Variants in PLEKHG7 observed in about 807,000 individuals in gnomAD.
PLEKHG7 encodes pleckstrin homology and RhoGEF domain containing G7.
Under a neutral mutation model 85.2 loss-of-function variants are expected in PLEKHG7, and 77 were observed. The observed-to-expected ratio is 0.90, with a 90% confidence interval of 0.75 to 1.09. The LOEUF (loss-of-function observed/expected upper bound fraction) is 1.09, where lower values mean the gene tolerates loss of function less well. Among genes scored for constraint, PLEKHG7 ranks in the 50% least tolerant of loss-of-function variants. The probability of loss-of-function intolerance (pLI) is 0.00; values close to 1 mark genes in which losing one functional copy is unlikely to be tolerated. For synonymous variants in PLEKHG7, 301 were observed against 302.4 expected (o/e 1.00, Z 0.05); for missense variants, 777 against 804.3 (o/e 0.97, Z 0.41).
chr12:92,767,170 C>T (rs1873226781), intron 15 of PLEKHG7, among the ~76,000 whole-genome samples: 2 of 152,038 alleles, frequency 1.3e-5, no homozygotes, highest in South Asian at 4.2e-4. Flanking sequence ...AGTATGGTGC[C>T]CAATACATAG....
chr12:92,740,899 T>C lies in PLEKHG7; in HGVS notation c.986T>C (p.Leu329Pro), dbSNP rs770980479. ...TATCTGCAAACTCATGAATATCTCC[T>C]AGATGTGGATTTATGGAGACTTTTT... ...LRYLQTHEYL[L>P]DVDLWRLFAN... Residue 329 changes from leucine (L) to proline (P), a missense_variant, in exon 8 of 17, where the codon CTA becomes CCA. Coordinates refer to ENST00000344636, the MANE Select transcript of PLEKHG7 (RefSeq NM_001377329.1). 23 of 1,611,498 alleles carry C rather than the reference T, an allele frequency of 1.4e-5. No homozygotes were observed. Among genetic ancestry groups the C allele is most frequent in the Non-Finnish European group, 1.8e-5 (21 of 1,178,258 alleles).
chr12:92,747,131 A>G (rs1333976652), intron 10 of PLEKHG7, among the ~76,000 whole-genome samples: 4 of 152,202 alleles, frequency 2.6e-5, no homozygotes, highest in Non-Finnish European at 4.4e-5. Context: ...TATTCATTTG[A>G]CAGGGGACTA....
At chr12:92,741,884 C>T (rs908786464) in intron 9 of PLEKHG7, among the ~76,000 whole-genome samples, 3 of 152,290 alleles carry the variant, frequency 2.0e-5, no homozygotes, top group South Asian at 4.1e-4. Context: ...GCAACATTCA[C>T]GGCAATAGTT....
intron 3 of PLEKHG7, among the ~76,000 whole-genome samples, chr12:92,726,061 C>A (rs1871791083): frequency 6.6e-6 from 1 of 152,182 alleles, no homozygotes; most frequent in Non-Finnish European, 1.5e-5. Context: ...GCATGATACA[C>A]TCCACCATTA....
At chr12:92,754,380 G>A (rs900886060) in intron 11 of PLEKHG7, 116 bp downstream of exon 11, 7 of 995,874 alleles carry the variant, frequency 7.0e-6, no homozygotes, top group Middle Eastern at 4.3e-4. Flanking sequence ...ATGGCTCTTG[G>A]AAATGTGGGT....
chr12:92,764,680 G>A (rs1008635868), intron 15 of PLEKHG7, among the ~76,000 whole-genome samples: 1 of 151,638 alleles, frequency 6.6e-6, no homozygotes, highest in Non-Finnish European at 1.5e-5. Context: ...ACATATATAT[G>A]CATGTATCTA....
intron 9 of PLEKHG7, 92 bp downstream of exon 9, chr12:92,741,684 C>A: frequency 1.1e-6 from 1 of 890,658 alleles, no homozygotes; most frequent in Non-Finnish European, 1.7e-6. Context: ...TTAATTCTCC[C>A]TGGGAAAGTT....
intron 10 of PLEKHG7, among the ~76,000 whole-genome samples, chr12:92,748,625 A>G: frequency 6.6e-6 from 1 of 152,216 alleles, no homozygotes; most frequent in East Asian, 1.9e-4. Flanking sequence ...ACAAACCTGT[A>G]AAGTTGATTA....
chr12:92,730,388 G>A (rs989221321), intron 4 of PLEKHG7, among the ~76,000 whole-genome samples: 3 of 152,184 alleles, frequency 2.0e-5, no homozygotes, highest in African/African-American at 7.2e-5. Flanking sequence ...AGGCTGTCCC[G>A]AACTAGCAGC....
At chr12:92,761,635 AAAG>A in intron 13 of PLEKHG7, 114 bp from the exon 14 acceptor site, 1 of 292,944 alleles carries the variant, frequency 3.4e-6, no homozygotes, top group Non-Finnish European at 4.8e-6. Context: ...AGAAAGAAAG[AAAG>A]AAAGAAAGAA....
chr12:92,729,099 C>G lies in PLEKHG7; in HGVS notation c.637C>G (p.Pro213Ala), dbSNP rs1467165778. 8.1e-7 allele frequency: 1 copy of G among 1,231,798 alleles called. No individual in the cohort carries two copies. The highest frequency in any genetic ancestry group is 4.2e-5 in the Admixed American group (1 of 23,700). The allele number at this position is 1,231,798 out of a possible 1,614,324, so 76.3% of individuals were successfully genotyped here. The change falls in exon 4 of 17, where the codon CCA (proline) becomes GCA (alanine). Residue 213 changes from proline (P) to alanine (A), a missense_variant. Physicochemically the swap from Pro to Ala is conservative, Grantham distance 27. Transcript: ENST00000344636. ...SDGAADYLCH[P>A]LLLLNSESKK... ...TGGAGCTGCTGATTACCTATGCCAT[C>G]CACTTCTGCTGCTGAATTCAGGTTC...
intron 4 of PLEKHG7, 117 bp downstream of exon 4, chr12:92,729,237 C>A (rs1871910901): frequency 1.7e-6 from 2 of 1,155,024 alleles, no homozygotes; most frequent in East Asian, 6.4e-5. Context: ...TGACCTGTTA[C>A]AATCAGCCTC....
rs540032375 is a variant in PLEKHG7, at chr12:92,728,999, C to T, written c.537C>T (p.Tyr179=). 5.8e-5 allele frequency: 71 copies of T among 1,231,612 alleles called. No homozygotes were observed. The highest frequency in any genetic ancestry group is 1.6e-4 in the South Asian group (4 of 24,298). The allele number at this position is 1,231,612 out of a possible 1,614,324, so 76.3% of individuals were successfully genotyped here. A position where few individuals can be genotyped will look rare whatever the true frequency, so the allele number is the denominator to read the frequency against. ...TTTTATCTCTTGAGCACAGGTTCTA[C>T]GAGCACAGGCGGAGTTCTGTGGTGC... The part of the protein sequence containing the change: ...QGEELHPSRF[Y]EHRRSSVVLN... The change falls in exon 4 of 17, where the codon TAC becomes TAT. Residue 179 remains tyrosine (Y), a synonymous_variant. Coordinates refer to ENST00000344636, the MANE Select transcript of PLEKHG7 (RefSeq NM_001377329.1).
At chr12:92,757,067 G>A (rs938900702) in intron 13 of PLEKHG7, among the ~76,000 whole-genome samples, 1 of 152,184 alleles carries the variant, frequency 6.6e-6, no homozygotes, top group Non-Finnish European at 1.5e-5. Flanking sequence ...GAAGCCCCTG[G>A]AGAAACTTAG....
At chr12:92,747,842 A>T (rs78949452) in intron 10 of PLEKHG7, among the ~76,000 whole-genome samples, 8,959 of 152,280 alleles carry the variant, frequency 0.059, 297 homozygotes, top group Middle Eastern at 0.088. Flanking sequence ...GAGCTAAAAA[A>T]GTTAGTCTCA....
chr12:92,763,988 G>A (rs1873111064), intron 14 of PLEKHG7, 53 bp from the exon 15 acceptor site: 1 of 1,502,582 alleles, frequency 6.7e-7, no homozygotes. Context: ...CTTTAGATAA[G>A]TGTGCCAATA....
chr12:92,755,514 C>T (rs1403725454), intron 11 of PLEKHG7, among the ~76,000 whole-genome samples: 1 of 151,802 alleles, frequency 6.6e-6, no homozygotes, highest in East Asian at 1.9e-4. Flanking sequence ...TAATTATAGG[C>T]TGTGTGGTCT....
intron 14 of PLEKHG7, among the ~76,000 whole-genome samples, chr12:92,762,706 A>T (rs1873075387): frequency 6.6e-6 from 1 of 152,206 alleles, no homozygotes; most frequent in South Asian, 2.1e-4. Context: ...CAACAGTCAG[A>T]GATACCTAAT....
intron 3 of PLEKHG7, among the ~76,000 whole-genome samples, chr12:92,712,515 C>T (rs1409679380): frequency 6.6e-6 from 1 of 152,196 alleles, no homozygotes; most frequent in Non-Finnish European, 1.5e-5. Flanking sequence ...TCTCCAAGAT[C>T]CATTTGTCTT....
Sources: gnomAD v4.1 joint callset for allele counts (sites outside exome capture counted in the v4.1 genomes callset) on GRCh38, gnomAD v4.1.1 for gene constraint, MANE v1.5 for transcripts, NCBI Gene and HGNC (gene_info 2026-07-23, HGNC 2026-07-21) for gene names.